RYR3: variants seen among roughly 807,000 people sequenced by gnomAD.
The protein encoded by RYR3 is ryanodine receptor 3.
In RYR3, 207 loss-of-function variants were observed where a neutral mutation model predicts 584.3. That is an observed-to-expected ratio of 0.35 (90% CI 0.32 to 0.40). The LOEUF (loss-of-function observed/expected upper bound fraction) is 0.40, where lower values mean the gene tolerates loss of function less well. Ranked by LOEUF, RYR3 falls within the 10% of genes least tolerant of loss-of-function variation. The probability of loss-of-function intolerance (pLI) is 1.00; values close to 1 mark genes in which losing one functional copy is unlikely to be tolerated. For synonymous variants in RYR3, 2,416 were observed against 2,248.5 expected (o/e 1.07, Z -2.11); for missense variants, 5,616 against 6,089.2 (o/e 0.92, Z 2.59).
At chr15:33,336,324 C>T (rs140140697) in intron 1 of RYR3, among the ~76,000 whole-genome samples, 2 of 151,062 alleles carry the variant, frequency 1.3e-5, no homozygotes, top group African/African-American at 2.4e-5. Flanking sequence ...CCCAGTTACT[C>T]GGGAGGCTGA....
At chr15:33,394,376 G>C (rs2596195) in intron 1 of RYR3, among the ~76,000 whole-genome samples, 1 of 152,028 alleles carries the variant, frequency 6.6e-6, no homozygotes, top group African/African-American at 2.4e-5. Context: ...CAGAAAAATC[G>C]GAGTATGTAG....
intron 1 of RYR3, among the ~76,000 whole-genome samples, chr15:33,426,966 G>T (rs186340132): frequency 1.3e-5 from 2 of 152,198 alleles, no homozygotes; most frequent in Admixed American, 1.3e-4. Flanking sequence ...ATTTATAAAG[G>T]CCCCACCCTC....
intron 16 of RYR3, among the ~76,000 whole-genome samples, chr15:33,586,587 A>G (rs77951482): frequency 6.6e-6 from 1 of 152,314 alleles, no homozygotes; most frequent in Non-Finnish European, 1.5e-5. Flanking sequence ...AAATGAAGTA[A>G]ATGAATCTGT....
intron 94 of RYR3, chr15:33,851,628 G>A (rs2152995922): frequency 6.6e-6 from 1 of 152,272 alleles, no homozygotes; most frequent in African/African-American, 2.4e-5. Flanking sequence ...ATGCTCAGAT[G>A]AAGGTAAGAC....
At chr15:33,771,275 C>A (rs372067262) in intron 62 of RYR3, among the ~76,000 whole-genome samples, 1 of 152,242 alleles carries the variant, frequency 6.6e-6, no homozygotes, top group East Asian at 1.9e-4. Context: ...GTGGCTCACG[C>A]CTGTAATCCC....
In RYR3 at chr15:33,464,489, T is replaced by TATATATATATACACAC. The variant is rs1450450145; in HGVS notation, c.52-8929_52-8928insTATATATATACACACA. Among the ~76,000 whole-genome samples, 450 of 67,418 alleles carry TATATATATATACACAC rather than the reference T, an allele frequency of 6.7e-3. 6 individuals are homozygous for TATATATATATACACAC. Among genetic ancestry groups the TATATATATATACACAC allele is most frequent in the African/African-American group, 0.035 (420 of 11,976 alleles). The allele number at this position is 67,418 out of a possible 152,430, so 44.2% of individuals were successfully genotyped here. A position where few individuals can be genotyped will look rare whatever the true frequency, so the allele number is the denominator to read the frequency against. On this transcript the variant is annotated intron_variant, in intron 1 of 103. Transcript: ENST00000634891. ...ATATATATATATATATATATATATA[T>TATATATATATACACAC]ACACATATATATATACATACACATA...
At chr15:33,690,218 C>G (rs544377571) in intron 38 of RYR3, among the ~76,000 whole-genome samples, 1 of 152,214 alleles carries the variant, frequency 6.6e-6, no homozygotes, top group Non-Finnish European at 1.5e-5. Flanking sequence ...GTGTGCAGAG[C>G]GGGCTGAAGA....
At chr15:33,593,050 G>A (rs1215666221) in intron 16 of RYR3, among the ~76,000 whole-genome samples, 1 of 152,204 alleles carries the variant, frequency 6.6e-6, no homozygotes, top group Non-Finnish European at 1.5e-5. Flanking sequence ...GGAGCTTCCA[G>A]GTCACAGATA....
intron 1 of RYR3, among the ~76,000 whole-genome samples, chr15:33,340,870 G>T (rs1297891221): frequency 6.6e-6 from 1 of 152,038 alleles, no homozygotes; most frequent in Admixed American, 6.6e-5. Context: ...GTATAGTCTT[G>T]GGCAAGTGAC....
intron 66 of RYR3, among the ~76,000 whole-genome samples, chr15:33,787,195 T>C (rs1438153589): frequency 1.3e-5 from 2 of 152,166 alleles, no homozygotes; most frequent in Non-Finnish European, 2.9e-5. Context: ...CTAAACAAAG[T>C]CAATTTTAAG....
intron 1 of RYR3, among the ~76,000 whole-genome samples, chr15:33,322,482 A>G (rs1195899692): frequency 1.3e-5 from 2 of 152,156 alleles, no homozygotes; most frequent in East Asian, 3.9e-4. Flanking sequence ...ACCTCCCACA[A>G]GGGCCCACCT....
Position 33,385,237 on chromosome 15 carries a change from C to T in RYR3, c.51+74141C>T, listed in dbSNP as rs183407063. On this transcript the variant is annotated intron_variant, in intron 1 of 103. Coordinates refer to ENST00000634891, the MANE Select transcript of RYR3 (RefSeq NM_001036.6). The stretch of plus-strand genomic sequence containing the variant: ...TAAGTGTTTATTGATTACTTCTGGG[C>T]CTCTTGGCAGAATTGAATTAGAGCC... Among the ~76,000 whole-genome samples, 124 of 149,952 alleles carry T rather than the reference C, an allele frequency of 8.3e-4. 1 individual carries two copies. Among genetic ancestry groups the T allele is most frequent in the African/African-American group, 2.8e-3 (116 of 41,142 alleles).
chr15:33,604,167 C>T (rs1461175116), intron 18 of RYR3, among the ~76,000 whole-genome samples: 1 of 152,254 alleles, frequency 6.6e-6, no homozygotes, highest in Non-Finnish European at 1.5e-5. Flanking sequence ...AAATCCCTTA[C>T]GTAAGCATTG....
intron 20 of RYR3, among the ~76,000 whole-genome samples, chr15:33,625,868 G>A (rs549801454): frequency 6.6e-6 from 1 of 152,202 alleles, no homozygotes; most frequent in Non-Finnish European, 1.5e-5. Flanking sequence ...CTTTTGGGGG[G>A]CTCTTTTTTT....
intron 98 of RYR3, among the ~76,000 whole-genome samples, chr15:33,857,040 C>G (rs2079752308): frequency 6.6e-6 from 1 of 152,152 alleles, no homozygotes; most frequent in African/African-American, 2.4e-5. Context: ...TGAACAATAA[C>G]AAAACACAAT....
At chr15:33,493,319 C>T (rs2051137425) in intron 2 of RYR3, among the ~76,000 whole-genome samples, 1 of 152,130 alleles carries the variant, frequency 6.6e-6, no homozygotes, top group Admixed American at 6.5e-5. Flanking sequence ...CTGGCCTCTG[C>T]TATTTTTCTG....
intron 1 of RYR3, among the ~76,000 whole-genome samples, chr15:33,380,132 A>G (rs1456040777): frequency 6.6e-6 from 1 of 152,134 alleles, no homozygotes; most frequent in East Asian, 1.9e-4. Context: ...CTCTGGCAAC[A>G]TCCTCACAAA....
At chr15:33,746,897 C>T (rs1348201975) in intron 53 of RYR3, among the ~76,000 whole-genome samples, 2 of 143,944 alleles carry the variant, frequency 1.4e-5, no homozygotes, top group East Asian at 4.2e-4. Context: ...CAACCTCCAC[C>T]TTCCGGGCTC....
chr15:33,690,003 C>G (rs72713265), intron 38 of RYR3, among the ~76,000 whole-genome samples: 73 of 152,338 alleles, frequency 4.8e-4, no homozygotes, highest in Non-Finnish European at 9.6e-4. Flanking sequence ...GTTAATTCAG[C>G]TATTCAGATG....
Sources: allele counts gnomAD v4.1 joint callset (sites outside exome capture counted in the v4.1 genomes callset), GRCh38; gene constraint gnomAD v4.1.1; transcripts MANE v1.5; gene names NCBI Gene and HGNC (gene_info 2026-07-23, HGNC 2026-07-21).